MLLT3: variants seen among roughly 807,000 people sequenced by gnomAD.
MLLT3 encodes MLLT3 super elongation complex subunit.
MLLT3 carries 4 observed loss-of-function variants against 53.2 expected under a neutral mutation model. That is an observed-to-expected ratio of 0.08 (90% CI 0.04 to 0.17). MLLT3 has a LOEUF of 0.17. Among genes scored for constraint, MLLT3 ranks in the 10% least tolerant of loss-of-function variants. The pLI is 1.00. For missense variants in MLLT3, 569 were observed against 684.0 expected (o/e 0.83, Z 1.87); for synonymous variants, 283 against 230.6 (o/e 1.23, Z -2.06).
At chr9:20,511,241 C>A (rs555745677) in intron 2 of MLLT3, among the ~76,000 whole-genome samples, 59 of 151,726 alleles carry the variant, frequency 3.9e-4, no homozygotes, top group African/African-American at 1.4e-3. Flanking sequence ...AAAACTTAAA[C>A]GTATTACTTT....
At chr9:20,485,540 C>T (rs192644116) in intron 2 of MLLT3, among the ~76,000 whole-genome samples, 119 of 152,284 alleles carry the variant, frequency 7.8e-4, no homozygotes, top group Non-Finnish European at 1.4e-3. Flanking sequence ...TATCACTACA[C>T]TTGTTTATTT....
intron 2 of MLLT3, among the ~76,000 whole-genome samples, chr9:20,458,033 C>A (rs1330131132): frequency 6.6e-6 from 1 of 152,184 alleles, no homozygotes; most frequent in Admixed American, 6.5e-5. Context: ...GCATTTCCCC[C>A]AAATGTGCCC....
At chr9:20,569,240 T>G (rs760939571) in intron 2 of MLLT3, among the ~76,000 whole-genome samples, 2 of 152,122 alleles carry the variant, frequency 1.3e-5, no homozygotes, top group Non-Finnish European at 2.9e-5. Flanking sequence ...CTTATTCACA[T>G]ACACACTAAA....
intron 2 of MLLT3, among the ~76,000 whole-genome samples, chr9:20,592,791 T>G (rs1392067612): frequency 6.6e-6 from 1 of 152,152 alleles, no homozygotes; most frequent in Non-Finnish European, 1.5e-5. Context: ...CAGGTGCACT[T>G]CAGCCATACG....
At chr9:20,380,253 C>T (rs1189737421) in intron 5 of MLLT3, 1 of 151,950 alleles carries the variant, frequency 6.6e-6, no homozygotes, top group Non-Finnish European at 1.5e-5. Context: ...CGGTAAAGGT[C>T]TTCTCCTCAG....
chr9:20,511,235 C>T (rs1825526365), intron 2 of MLLT3, among the ~76,000 whole-genome samples: 1 of 151,856 alleles, frequency 6.6e-6, no homozygotes, highest in Non-Finnish European at 1.5e-5. Context: ...AGTTATAAAA[C>T]TTAAACGTAT....
chr9:20,583,788 C>G (rs948449022), intron 2 of MLLT3, among the ~76,000 whole-genome samples: 1 of 152,146 alleles, frequency 6.6e-6, no homozygotes, highest in Non-Finnish European at 1.5e-5. Context: ...GCCCAGCCCA[C>G]AAAACCACTT....
chr9:20,401,543 G>A (rs913164619), intron 5 of MLLT3, among the ~76,000 whole-genome samples: 4 of 152,142 alleles, frequency 2.6e-5, no homozygotes, highest in African/African-American at 9.7e-5. Context: ...CTGTCTTTGT[G>A]TTCCTCCATA....
intron 2 of MLLT3, among the ~76,000 whole-genome samples, chr9:20,484,650 A>G (rs890807672): frequency 2.6e-5 from 4 of 151,942 alleles, no homozygotes; most frequent in Admixed American, 6.6e-5. Flanking sequence ...AAAATTACCA[A>G]TTTCTCCCCG....
At chr9:20,578,167 C>G (rs1819702410) in intron 2 of MLLT3, among the ~76,000 whole-genome samples, 1 of 152,172 alleles carries the variant, frequency 6.6e-6, no homozygotes, top group Non-Finnish European at 1.5e-5. Context: ...AGGATCTGTA[C>G]TACAGTCAGC....
Position 20,430,479 on chromosome 9 carries a change from T to C in MLLT3, c.421-16054A>G, listed in dbSNP as rs557123045. On this transcript the variant is annotated intron_variant, in intron 4 of 10. Transcript: ENST00000380338. ...CTTCCAAACAGACTCATAAATATTTTAAAAGCTGATGCTTGACATGGCGGA... is the reference window on the plus strand; with the variant it reads ...CTTCCAAACAGACTCATAAATATTTCAAAAGCTGATGCTTGACATGGCGGA... Among the ~76,000 whole-genome samples the C allele has an allele frequency of 5.9e-5, 9 of 152,230 alleles. No individual in the cohort carries two copies. The South Asian group carries it at 8.3e-4, about 14-fold the overall frequency.
chr9:20,406,863 T>G (rs980453442), intron 5 of MLLT3, among the ~76,000 whole-genome samples: 2 of 152,234 alleles, frequency 1.3e-5, no homozygotes, highest in Non-Finnish European at 2.9e-5. Flanking sequence ...GCAGGATCTT[T>G]GACTTTATCT....
At chr9:20,450,810 T>C (rs1823821922) in intron 3 of MLLT3, among the ~76,000 whole-genome samples, 1 of 152,214 alleles carries the variant, frequency 6.6e-6, no homozygotes, top group African/African-American at 2.4e-5. Context: ...TCCTCTAAGT[T>C]ATAAAACAGA....
At chr9:20,410,442 GA>G (rs1406269927) in intron 5 of MLLT3, 1 of 152,094 alleles carries the variant, frequency 6.6e-6, no homozygotes, top group Non-Finnish European at 1.5e-5. Flanking sequence ...TTTTATAAAA[GA>G]GGAAACTAAG....
chr9:20,572,747 T>C (rs751759473), intron 2 of MLLT3, among the ~76,000 whole-genome samples: 2 of 152,048 alleles, frequency 1.3e-5, no homozygotes, highest in East Asian at 1.9e-4. Flanking sequence ...TGAGCCGAGA[T>C]TGCACCACTG....
At chr9:20,433,376 A>G (rs60617431) in intron 4 of MLLT3, among the ~76,000 whole-genome samples, 1,613 of 152,340 alleles carry the variant, frequency 0.011, 27 homozygotes, top group African/African-American at 0.037. Flanking sequence ...TATACCCATG[A>G]GTCCATGATG....
chr9:20,527,282 A>G (rs531456443), intron 2 of MLLT3, among the ~76,000 whole-genome samples: 1 of 152,206 alleles, frequency 6.6e-6, no homozygotes, highest in Non-Finnish European at 1.5e-5. Context: ...AAAAGCATAA[A>G]GAGCCATAAG....
At chr9:20,575,060 G>C (rs1436727801) in intron 2 of MLLT3, among the ~76,000 whole-genome samples, 3 of 152,204 alleles carry the variant, frequency 2.0e-5, no homozygotes. Context: ...TGAGATTGCA[G>C]CAATTCAGTC....
At chr9:20,361,741 T>C (rs1250811022) in intron 7 of MLLT3, among the ~76,000 whole-genome samples, 1 of 152,252 alleles carries the variant, frequency 6.6e-6, no homozygotes, top group Non-Finnish European at 1.5e-5. Context: ...TTTATTCTAC[T>C]GTGCTGAATG....
Sources: allele counts gnomAD v4.1 joint callset (sites outside exome capture counted in the v4.1 genomes callset), GRCh38; gene constraint gnomAD v4.1.1; transcripts MANE v1.5; gene names NCBI Gene and HGNC (gene_info 2026-07-23, HGNC 2026-07-21).